Variants in TMEFF2 observed in about 807,000 individuals in gnomAD.
TMEFF2 encodes the protein tomoregulin-2.
TMEFF2 carries 28 observed loss-of-function variants against 53.8 expected under a neutral mutation model. The observed-to-expected ratio is 0.52, with a 90% CI of 0.39 to 0.71. The LOEUF is 0.71. TMEFF2 is among the 30% of genes least tolerant of loss of function. TMEFF2 has a pLI of 0.00. For missense variants in TMEFF2, 353 were observed against 455.2 expected (o/e 0.78, Z 2.04); for synonymous variants, 162 against 166.3 (o/e 0.97, Z 0.20).
chr2:192,132,004 TCTTC>T (rs1252398009), intron 4 of TMEFF2, among the ~76,000 whole-genome samples: 151 of 152,010 alleles, frequency 9.9e-4, no homozygotes, highest in African/African-American at 3.4e-3. Context: ...TCGTCCCAAA[TCTTC>T]CTTCTTTCCC....
chr2:192,025,247 A>G (rs1042700232), intron 5 of TMEFF2, among the ~76,000 whole-genome samples: 1 of 152,108 alleles, frequency 6.6e-6, no homozygotes, highest in African/African-American at 2.4e-5. Flanking sequence ...AATTTAAAGC[A>G]TTTCTATTGA....
chr2:192,103,532 C>T (rs1689080976), intron 4 of TMEFF2, among the ~76,000 whole-genome samples: 1 of 152,068 alleles, frequency 6.6e-6, no homozygotes, highest in African/African-American at 2.4e-5. Flanking sequence ...AGCCTTCCTA[C>T]TTTATCTTGT....
At chr2:192,075,332 T>TATATATATATATATAC (rs796267672) in intron 4 of TMEFF2, among the ~76,000 whole-genome samples, 40 of 88,140 alleles carry the variant, frequency 4.5e-4, no homozygotes, top group African/African-American at 1.6e-3. Flanking sequence ...TATATATATA[T>TATATATATATATATAC]ACATACATAC....
intron 5 of TMEFF2, among the ~76,000 whole-genome samples, chr2:192,038,225 G>A (rs1189569716): frequency 6.6e-6 from 1 of 152,254 alleles, no homozygotes; most frequent in African/African-American, 2.4e-5. Context: ...GTAAGAGTAC[G>A]ACCTCTGGGT....
chr2:192,016,357 A>G (rs1022287637), intron 5 of TMEFF2, among the ~76,000 whole-genome samples: 12 of 152,210 alleles, frequency 7.9e-5, no homozygotes, highest in Admixed American at 2.0e-4. Flanking sequence ...CATTTATTTT[A>G]TAATCTTTTT....
At chr2:192,131,040 G>A (rs1275085083) in intron 4 of TMEFF2, among the ~76,000 whole-genome samples, 4 of 151,650 alleles carry the variant, frequency 2.6e-5, no homozygotes, top group East Asian at 2.0e-4. Context: ...AGCAAGTCCC[G>A]CTTTTCTGGG....
intron 7 of TMEFF2, among the ~76,000 whole-genome samples, chr2:191,964,333 C>CTTCTTTCTTTCTTTCTTTCTTTCTTTCT (rs368928481): frequency 1.4e-5 from 1 of 71,490 alleles, no homozygotes; most frequent in African/African-American, 5.2e-5. Context: ...CCTTTCTTTC[C>CTTCTTTCTTTCTTTCTTTCTTTCTTTCT]TTCTTTCTTT....
intron 7 of TMEFF2, among the ~76,000 whole-genome samples, chr2:191,976,547 G>A (rs73033577): frequency 0.05 from 7,663 of 152,264 alleles, 247 homozygotes; most frequent in South Asian, 0.074. Context: ...GGGTCATTCC[G>A]CAGAAAGAAA....
chr2:192,158,194 A>T (rs1466189248), intron 4 of TMEFF2, among the ~76,000 whole-genome samples: 1 of 152,138 alleles, frequency 6.6e-6, no homozygotes, highest in Non-Finnish European at 1.5e-5. Flanking sequence ...TGGCACTTTA[A>T]GAAAGACTGA....
Position 192,194,644 on chromosome 2 carries a change from A to G in TMEFF2, c.-120T>C. The G allele has an allele frequency of 1.8e-6, 2 of 1,138,112 alleles. No individual in the cohort carries two copies. The highest frequency in any genetic ancestry group is 1.3e-6 in the Non-Finnish European group (1 of 796,152). 70.5% of individuals were successfully genotyped at this position (1,138,112 alleles called of 1,614,324 possible). A position where few individuals can be genotyped will look rare whatever the true frequency, so the allele number is the denominator to read the frequency against. ...CGGCAGCAGAGGCGGCGGCGGTGGC[A>G]GTGGCACCCGGCGGGGAAGCAGCAG... On this transcript the variant is annotated 5_prime_UTR_variant, in exon 1 of 10. Coordinates refer to ENST00000272771, the MANE Select transcript of TMEFF2 (RefSeq NM_016192.4). The surrounding 1 kb of genome is among the most constrained non-coding windows in gnomAD (Gnocchi z 4.2).
chr2:192,091,907 C>T (rs184438109), intron 4 of TMEFF2, among the ~76,000 whole-genome samples: 12 of 152,172 alleles, frequency 7.9e-5, no homozygotes, highest in African/African-American at 2.2e-4. Flanking sequence ...CTCCAGGAGA[C>T]GTGTATTGCT....
intron 4 of TMEFF2, among the ~76,000 whole-genome samples, chr2:192,065,223 A>C (rs1688139251): frequency 6.6e-6 from 1 of 151,562 alleles, no homozygotes; most frequent in African/African-American, 2.4e-5. Flanking sequence ...TACTCTTCCT[A>C]CTTTATGCAT....
At chr2:191,979,665 G>T (rs950454809) in intron 7 of TMEFF2, among the ~76,000 whole-genome samples, 2 of 151,760 alleles carry the variant, frequency 1.3e-5, no homozygotes, top group African/African-American at 4.8e-5. Flanking sequence ...CAGTAAACAG[G>T]CTGTGCTATT....
At chr2:192,180,561 G>A (rs907035974) in intron 3 of TMEFF2, among the ~76,000 whole-genome samples, 1 of 151,548 alleles carries the variant, frequency 6.6e-6, no homozygotes, top group African/African-American at 2.4e-5. Context: ...GTTAATACAG[G>A]GAAATAAGAT....
At chr2:192,038,828 T>G (rs1043873417) in intron 5 of TMEFF2, among the ~76,000 whole-genome samples, 1 of 152,232 alleles carries the variant, frequency 6.6e-6, no homozygotes, top group Non-Finnish European at 1.5e-5. Flanking sequence ...CCCATTGTAT[T>G]GTTTTCCTTT....
chr2:192,059,876 C>T (rs1333736274), intron 4 of TMEFF2, among the ~76,000 whole-genome samples: 2 of 151,950 alleles, frequency 1.3e-5, no homozygotes, highest in Non-Finnish European at 1.5e-5. Context: ...ATGAAGTCAC[C>T]CACAAAGAAA....
At chr2:191,977,883 T>A (rs1455756837) in intron 7 of TMEFF2, among the ~76,000 whole-genome samples, 1 of 152,182 alleles carries the variant, frequency 6.6e-6, no homozygotes, top group Admixed American at 6.6e-5. Flanking sequence ...TGAGATTCTG[T>A]AATACACTGG....
chr2:192,084,141 G>A (rs1187680227), intron 4 of TMEFF2, among the ~76,000 whole-genome samples: 1 of 152,108 alleles, frequency 6.6e-6, no homozygotes, highest in Non-Finnish European at 1.5e-5. Context: ...GATGGTATTT[G>A]CAAACAGGTC....
At chr2:192,171,623 G>C (rs1690915824) in intron 4 of TMEFF2, among the ~76,000 whole-genome samples, 1 of 151,912 alleles carries the variant, frequency 6.6e-6, no homozygotes, top group Admixed American at 6.6e-5. Flanking sequence ...TGATGTTCTT[G>C]GAATATCCCA....
Sources: gnomAD v4.1 joint callset for allele counts (sites outside exome capture counted in the v4.1 genomes callset) on GRCh38, gnomAD v4.1.1 for gene constraint, Gnocchi (gnomAD v3.1) non-coding constraint, MANE v1.5 for transcripts, NCBI Gene and HGNC (gene_info 2026-07-23, HGNC 2026-07-21) for gene names.